Variants in ARB2A observed in about 807,000 individuals in gnomAD.
ARB2A encodes cotranscriptional regulator ARB2A.
At chr5:93,816,444 AT>A in the ARB2A span, among the ~76,000 whole-genome samples, 1 of 152,220 alleles carries the variant, frequency 6.6e-6, no homozygotes, top group Non-Finnish European at 1.5e-5. Flanking sequence ...ACAAATTAAT[AT>A]GTCAATTCCT....
the ARB2A span, among the ~76,000 whole-genome samples, chr5:93,763,375 A>C: frequency 6.6e-6 from 1 of 152,166 alleles, no homozygotes; most frequent in Admixed American, 6.5e-5. Flanking sequence ...ATGGAAAACA[A>C]AAAAAGGCAG....
At chr5:93,785,416 C>T in the ARB2A span, among the ~76,000 whole-genome samples, 5 of 151,062 alleles carry the variant, frequency 3.3e-5, no homozygotes, top group African/African-American at 1.2e-4. Flanking sequence ...AAAAAAAGAA[C>T]AATTTCTTTA....
the ARB2A span, among the ~76,000 whole-genome samples, chr5:93,988,866 C>T: frequency 6.6e-6 from 1 of 152,166 alleles, no homozygotes; most frequent in Non-Finnish European, 1.5e-5. Flanking sequence ...CATGGTCACA[C>T]ATCTAAATAA....
the ARB2A span, among the ~76,000 whole-genome samples, chr5:93,779,148 G>T: frequency 6.7e-6 from 1 of 149,566 alleles, no homozygotes; most frequent in Non-Finnish European, 1.5e-5. Flanking sequence ...CACGTGCAGG[G>T]GCATGTGGCA....
At chr5:93,728,150 C>T in the ARB2A span, among the ~76,000 whole-genome samples, 2 of 151,858 alleles carry the variant, frequency 1.3e-5, no homozygotes, top group Non-Finnish European at 2.9e-5. Flanking sequence ...AAATAGTTTT[C>T]AATAATTCTT....
the ARB2A span, among the ~76,000 whole-genome samples, chr5:93,807,802 G>T: frequency 6.6e-5 from 10 of 151,906 alleles, 1 homozygote; most frequent in South Asian, 1.7e-3. Context: ...TCAAACTGCA[G>T]AAACATCCAA....
the ARB2A span, among the ~76,000 whole-genome samples, chr5:94,099,342 T>C: frequency 6.6e-6 from 1 of 152,056 alleles, no homozygotes; most frequent in African/African-American, 2.4e-5. Flanking sequence ...TCAATAAATG[T>C]GGCTGGGCAC....
the ARB2A span, among the ~76,000 whole-genome samples, chr5:93,713,543 A>C: frequency 1.3e-5 from 2 of 152,188 alleles, no homozygotes; most frequent in African/African-American, 4.8e-5. Flanking sequence ...TATCCAAAAG[A>C]CAGACAATAA....
the ARB2A span, among the ~76,000 whole-genome samples, chr5:93,617,822 T>C: frequency 2.0e-5 from 3 of 152,184 alleles, no homozygotes; most frequent in Non-Finnish European, 4.4e-5. Flanking sequence ...GCTAAGGAGA[T>C]ATTTTAGATA....
chr5:94,103,930 G>C, the ARB2A span, among the ~76,000 whole-genome samples: 2 of 150,832 alleles, frequency 1.3e-5, no homozygotes, highest in Admixed American at 1.3e-4. Flanking sequence ...ATGAAATTAA[G>C]ACAGAATTCA....
chr5:93,770,467 C>T, the ARB2A span, among the ~76,000 whole-genome samples: 1 of 152,020 alleles, frequency 6.6e-6, no homozygotes, highest in Non-Finnish European at 1.5e-5. Context: ...GGCAATTAGG[C>T]AGGAGAAGGA....
At chr5:93,694,941 G>A in the ARB2A span, among the ~76,000 whole-genome samples, 2 of 152,106 alleles carry the variant, frequency 1.3e-5, no homozygotes, top group African/African-American at 4.8e-5. Context: ...AACTGGGAAA[G>A]GATACCCTAT....
At chr5:93,765,068 A>T in the ARB2A span, among the ~76,000 whole-genome samples, 1 of 152,206 alleles carries the variant, frequency 6.6e-6, no homozygotes, top group East Asian at 1.9e-4. Context: ...GCTATATATG[A>T]CAAACGCACA....
chr5:93,965,960 C>T, the ARB2A span, among the ~76,000 whole-genome samples: 4 of 151,962 alleles, frequency 2.6e-5, no homozygotes, highest in Admixed American at 1.3e-4. Context: ...AGCTATGACA[C>T]TACATTAGAA....
chr5:94,010,946 C>A, the ARB2A span, among the ~76,000 whole-genome samples: 1 of 152,068 alleles, frequency 6.6e-6, no homozygotes, highest in East Asian at 1.9e-4. Context: ...TATCAAGGAA[C>A]CTAAGTCACT....
At chr5:94,103,254 C>G in the ARB2A span, among the ~76,000 whole-genome samples, 4 of 152,006 alleles carry the variant, frequency 2.6e-5, no homozygotes, top group Non-Finnish European at 5.9e-5. Flanking sequence ...GACCTAACTA[C>G]ATACTATCTT....
the ARB2A span, chr5:93,735,646 CTG>C: frequency 6.6e-6 from 1 of 152,212 alleles, no homozygotes; most frequent in Non-Finnish European, 1.5e-5. Context: ...GGAGTTGGTG[CTG>C]TGTGACTTTT....
the ARB2A span, among the ~76,000 whole-genome samples, chr5:93,886,035 C>T: frequency 2.6e-5 from 4 of 151,822 alleles, no homozygotes; most frequent in Admixed American, 6.6e-5. Context: ...CAAAAACGCA[C>T]TTATCAAGAA....
the ARB2A span, among the ~76,000 whole-genome samples, chr5:93,894,352 A>G: frequency 6.6e-6 from 1 of 152,220 alleles, no homozygotes; most frequent in Middle Eastern, 3.4e-3. Context: ...TCTTAGCACC[A>G]TGTTTAATTC....
Sources: allele counts gnomAD v4.1 joint callset (sites outside exome capture counted in the v4.1 genomes callset), GRCh38; gene constraint gnomAD v4.1.1; transcripts MANE v1.5; gene names NCBI Gene and HGNC (gene_info 2026-07-23, HGNC 2026-07-21).